Variants in MIOS observed in about 807,000 individuals in gnomAD.
The protein encoded by MIOS is meiosis regulator for oocyte development, also known as GATOR2 complex protein MIOS.
A neutral mutation model predicts 96.9 loss-of-function variants in MIOS; 52 were observed. The observed-to-expected ratio is 0.54, with a 90% CI of 0.43 to 0.68. The LOEUF (loss-of-function observed/expected upper bound fraction) is 0.68. MIOS is among the 30% of genes least tolerant of loss of function. The pLI, the probability that MIOS is intolerant of heterozygous loss-of-function variation, is 0.00. For synonymous variants in MIOS, 397 were observed against 359.5 expected (o/e 1.10, Z -1.18); for missense variants, 1,005 against 1,052.8 (o/e 0.95, Z 0.63).
chr7:7,594,211 T>C (rs1013506118), intron 9 of MIOS, among the ~76,000 whole-genome samples: 6 of 152,148 alleles, frequency 3.9e-5, no homozygotes, highest in Admixed American at 6.5e-5. Context: ...TAAGTAGATA[T>C]ATAAAAGCAG....
Position 7,608,597 on chromosome 7 carries a change from T to A in MIOS, c.*1505T>A, listed in dbSNP as rs1169621726. On this transcript the variant is annotated 3_prime_UTR_variant, in exon 13 of 13. Coordinates refer to ENST00000340080, the MANE Select transcript of MIOS (RefSeq NM_019005.4). ...AAAGATTGCTATTAAGGGTACTTTT[T>A]CCAGCCTTCATTTGAGTAAATCTTA... 1 of 152,056 alleles carries A rather than the reference T, an allele frequency of 6.6e-6. No homozygotes were observed. Among genetic ancestry groups the A allele is most frequent in the Non-Finnish European group, 1.5e-5 (1 of 67,942 alleles). The allele number at this position is 152,056 out of a possible 1,614,324, so 9.4% of individuals were successfully genotyped here.
chr7:7,586,695 T>C (rs1466795068), intron 7 of MIOS, among the ~76,000 whole-genome samples: 1 of 152,240 alleles, frequency 6.6e-6, no homozygotes, highest in African/African-American at 2.4e-5. Flanking sequence ...TTGCACTTTA[T>C]GTACTTTATT....
At chr7:7,594,371 A>G (rs1413663951) in intron 9 of MIOS, among the ~76,000 whole-genome samples, 1 of 151,488 alleles carries the variant, frequency 6.6e-6, no homozygotes, top group East Asian at 1.9e-4. Context: ...CAACGGCACA[A>G]TCTCAGCTCA....
At chr7:7,601,345 A>G (rs1205185160) in intron 11 of MIOS, among the ~76,000 whole-genome samples, 1 of 152,176 alleles carries the variant, frequency 6.6e-6, no homozygotes, top group Admixed American at 6.5e-5. Flanking sequence ...AAAGAAGAAA[A>G]GAGAGAAAAA....
intron 11 of MIOS, among the ~76,000 whole-genome samples, chr7:7,599,557 G>A (rs775957470): frequency 6.6e-5 from 10 of 152,178 alleles, no homozygotes; most frequent in South Asian, 2.1e-4. Context: ...CAGGGAAGCC[G>A]TCCAGGTTGC....
chr7:7,590,671 T>C (rs1466216774), intron 9 of MIOS, among the ~76,000 whole-genome samples: 1 of 152,218 alleles, frequency 6.6e-6, no homozygotes, highest in African/African-American at 2.4e-5. Flanking sequence ...GGTTAATATT[T>C]CCATGTTTCA....
chr7:7,582,074 A>G (rs1169092496), intron 5 of MIOS, among the ~76,000 whole-genome samples: 3 of 152,154 alleles, frequency 2.0e-5, no homozygotes, highest in Admixed American at 6.6e-5. Context: ...CCTACAACCA[A>G]CAGGTTGAAT....
Position 7,607,175 on chromosome 7 carries a change from A to T in MIOS, c.*83A>T. ...ATAGCTCAGAAACATACCTCAGAAC[A>T]AGCCATTCATGACTTACCTGTAATG... On this transcript the variant is annotated 3_prime_UTR_variant, in exon 13 of 13. Transcript: ENST00000340080. The T allele has an allele frequency of 9.7e-7, 1 of 1,031,442 alleles. No homozygotes were observed. The allele number at this position is 1,031,442 out of a possible 1,614,324, so 63.9% of individuals were successfully genotyped here. A position where few individuals can be genotyped will look rare whatever the true frequency, so the allele number is the denominator to read the frequency against.
Position 7,604,805 on chromosome 7 carries a change from T to C in MIOS, c.2402-1137T>C, listed in dbSNP as rs184173037. Among the ~76,000 whole-genome samples the C allele has an allele frequency of 6.4e-4, 98 of 152,240 alleles. 1 individual carries two copies. The highest frequency in any genetic ancestry group is 1.1e-3 in the Non-Finnish European group (78 of 68,044). ...TGCCTTGTTCTGATTCAGTCTGTTA[T>C]CTGTTTATGTTAGAAGTTACAAAAA... On this transcript the variant is annotated intron_variant, in intron 11 of 12. Coordinates refer to ENST00000340080, the MANE Select transcript of MIOS (RefSeq NM_019005.4).
At position 7,604,630 on chromosome 7, in the gene MIOS, C is replaced by T. The variant is rs1248634622; in HGVS notation, c.2402-1312C>T. Among the ~76,000 whole-genome samples, 3 of 152,152 alleles carry T rather than the reference C, an allele frequency of 2.0e-5. No individual in the cohort carries two copies. In the South Asian group the frequency reaches 6.2e-4, roughly 32 times the overall value. On this transcript the variant is annotated intron_variant, in intron 11 of 12. Coordinates refer to ENST00000340080, the MANE Select transcript of MIOS (RefSeq NM_019005.4). ...ATTATGAGTTAATGCATAAGTGAAA[C>T]TCTAGTTTCGCCTAAAGTGTTCTGT...
intron 12 of MIOS, 93 bp from the exon 13 acceptor site, chr7:7,606,903 T>C (rs2115518737): frequency 3.0e-6 from 3 of 1,008,422 alleles, no homozygotes; most frequent in East Asian, 2.7e-5. Context: ...CTGGGAAATA[T>C]AGGGAGACCC....
intron 9 of MIOS, among the ~76,000 whole-genome samples, chr7:7,589,777 G>A (rs1195304599): frequency 1.3e-5 from 2 of 152,098 alleles, no homozygotes; most frequent in Non-Finnish European, 2.9e-5. Context: ...AGTCTGAGAA[G>A]GGCCAGTCTT....
In MIOS at chr7:7,603,745, A is replaced by G. The variant is rs537288595; in HGVS notation, c.2402-2197A>G. Among the ~76,000 whole-genome samples the G allele has an allele frequency of 5.9e-5, 9 of 152,292 alleles. No homozygotes were observed. The East Asian group carries it at 1.4e-3, about 23-fold the overall frequency. On this transcript the variant is annotated intron_variant, in intron 11 of 12. Transcript: ENST00000340080. ...CCAAAGGATTATAAATCATGCTGCT[A>G]TAAAGACACATGCACACGTATGTTT... is the stretch of plus-strand genomic sequence containing the variant.
At position 7,574,138 on chromosome 7, in the gene MIOS, A is replaced by G. The variant is rs200088813; in HGVS notation, c.1335A>G (p.Pro445=). ...CAGAAGATATGGATCAGAAATCTCCAGGCAACAAAGGATCATTGGTTTATG... is the reference window on the plus strand; with the variant it reads ...CAGAAGATATGGATCAGAAATCTCCGGGCAACAAAGGATCATTGGTTTATG... ...QYTEDMDQKS[P]GNKGSLVYAG... is the part of the protein sequence containing the mutation. Residue 445 remains proline, a synonymous_variant, in exon 5 of 13, where the codon CCA becomes CCG. Coordinates refer to ENST00000340080, the MANE Select transcript of MIOS (RefSeq NM_019005.4). 1.4e-4 allele frequency: 220 copies of G among 1,611,200 alleles called. 1 individual carries two copies. The highest frequency in any genetic ancestry group is 1.7e-4 in the Non-Finnish European group (202 of 1,178,370).
At chr7:7,597,478 AT>A (rs1476872222) in intron 11 of MIOS, among the ~76,000 whole-genome samples, 2,015 of 26,638 alleles carry the variant, frequency 0.076, 275 homozygotes, top group African/African-American at 0.19. Flanking sequence ...TTATATATAT[AT>A]ATATATATAT....
chr7:7,572,800 G>C lies in MIOS; in HGVS notation c.325G>C (p.Val109Leu). Residue 109 changes from valine (V) to leucine (L), a missense_variant, in exon 4 of 13, where the codon GTT becomes CTT. Val to Leu is a conservative substitution (Grantham distance 32, BLOSUM62 1). Coordinates refer to ENST00000340080, the MANE Select transcript of MIOS (RefSeq NM_019005.4). The surrounding 1 kb of genome is among the most constrained non-coding windows in gnomAD (Gnocchi z 4.8). ...KFKDLIGKEF[V>L]PKHARQCNTL... ...CAAAGATTTGATAGGAAAAGAGTTT[G>C]TTCCAAAACATGCACGACAATGTAA... The C allele has an allele frequency of 6.2e-7, 1 of 1,614,154 alleles. No individual in the cohort carries two copies. The highest frequency in any genetic ancestry group is 1.1e-5 in the South Asian group (1 of 91,080).
rs2051914 is a variant in MIOS, at chr7:7,608,244, A to G, written c.*1152A>G. On this transcript the variant is annotated 3_prime_UTR_variant, in exon 13 of 13. Coordinates refer to ENST00000340080, the MANE Select transcript of MIOS (RefSeq NM_019005.4). ...ACAAGATGCTTCTCTGTCATCTGCC[A>G]TATGCAGAGGGACTGAACTAGGAAT... 0.98 allele frequency: 148,775 copies of G among 152,116 alleles called. 72,757 individuals are homozygous for G. The highest frequency in any genetic ancestry group is 1 in the East Asian group (5,174 of 5,176). The allele number at this position is 152,116 out of a possible 1,614,324, so 9.4% of individuals were successfully genotyped here.
intron 11 of MIOS, among the ~76,000 whole-genome samples, chr7:7,602,800 C>T (rs544062275): frequency 1.3e-5 from 2 of 152,140 alleles, no homozygotes; most frequent in South Asian, 2.1e-4. Flanking sequence ...GGAGGCATCA[C>T]ACTACCTGAC....
rs1563013626 is a variant in MIOS, at chr7:7,572,925, A to G, written c.450A>G (p.Lys150=). ...FSVLIWDICS[K]YTPDIVPMEK... is the part of the protein sequence containing the mutation. ...TGCTAATATGGGATATCTGCAGCAA[A>G]TATACTCCTGATATAGTTCCCATGG... The change falls in exon 4 of 13, where the codon AAA becomes AAG. Residue 150 remains lysine, a synonymous_variant. Coordinates refer to ENST00000340080, the MANE Select transcript of MIOS (RefSeq NM_019005.4). This position sits in a 1 kb window ranked among gnomAD's most constrained non-coding sequence, Gnocchi z 4.8. 4 of 1,614,158 alleles carry G rather than the reference A, an allele frequency of 2.5e-6. No homozygotes were observed. Among genetic ancestry groups the G allele is most frequent in the South Asian group, 1.1e-5 (1 of 91,086 alleles).
Sources: gnomAD v4.1 joint callset for allele counts (sites outside exome capture counted in the v4.1 genomes callset) on GRCh38, gnomAD v4.1.1 for gene constraint, Gnocchi (gnomAD v3.1) non-coding constraint, MANE v1.5 for transcripts, NCBI Gene and HGNC (gene_info 2026-07-23, HGNC 2026-07-21) for gene names.